SGCZ: variants seen among roughly 807,000 people sequenced by gnomAD.
SGCZ encodes sarcoglycan zeta.
In SGCZ, 40 loss-of-function variants were observed where a neutral mutation model predicts 41.3. The ratio of observed to expected loss-of-function variants is 0.97; its 90% CI spans 0.75 to 1.26. The LOEUF is 1.26. Ranked by LOEUF, SGCZ falls within the 50% of genes most tolerant of loss-of-function variation. The pLI is 0.00. For missense variants in SGCZ, 552 were observed against 369.8 expected, an observed-to-expected ratio of 1.49 and a Z score of -4.04; for synonymous variants, 206 against 137.5, an observed-to-expected ratio of 1.50 and a Z score of -3.49.
chr8:14,580,796 A>G (rs1269305653), intron 1 of SGCZ, among the ~76,000 whole-genome samples: 1 of 152,220 alleles, frequency 6.6e-6, no homozygotes, highest in African/African-American at 2.4e-5. Flanking sequence ...CACATGTGCC[A>G]TTCTGATTAA....
rs139920034 is a variant in SGCZ, at chr8:14,822,642, C to G, written c.40-267716G>C. Among the ~76,000 whole-genome samples the G allele has an allele frequency of 5.3e-5, 8 of 151,980 alleles. 1 individual carries two copies. Among genetic ancestry groups the G allele is most frequent in the African/African-American group, 1.9e-4 (8 of 41,470 alleles). On this transcript the variant is annotated intron_variant, in intron 1 of 7. Coordinates refer to ENST00000382080, the MANE Select transcript of SGCZ (RefSeq NM_139167.4). ...GTATAAAAACAGATATGTAAACCAA[C>G]AGAACAAAAGAGAGCCCAGAAACAA...
chr8:14,730,310 A>T (rs973807258), intron 1 of SGCZ, among the ~76,000 whole-genome samples: 2 of 152,170 alleles, frequency 1.3e-5, no homozygotes, highest in Non-Finnish European at 2.9e-5. Flanking sequence ...TAAACAGAAC[A>T]TTTATGGTGA....
intron 2 of SGCZ, among the ~76,000 whole-genome samples, chr8:14,423,567 C>A (rs1799694056): frequency 6.6e-6 from 1 of 152,128 alleles, no homozygotes; most frequent in South Asian, 2.1e-4. Flanking sequence ...CAGGCATACA[C>A]CACCATACCT....
At chr8:14,613,323 G>T (rs577156695) in intron 1 of SGCZ, among the ~76,000 whole-genome samples, 1 of 152,216 alleles carries the variant, frequency 6.6e-6, no homozygotes, top group Non-Finnish European at 1.5e-5. Flanking sequence ...TTGAACTGAA[G>T]GAAACTAGTA....
At chr8:14,872,252 G>C (rs1441359537) in intron 1 of SGCZ, among the ~76,000 whole-genome samples, 2 of 151,918 alleles carry the variant, frequency 1.3e-5, no homozygotes, top group Non-Finnish European at 2.9e-5. Flanking sequence ...AACCACCATG[G>C]CACATGTATA....
At chr8:14,333,514 C>T (rs936067439) in intron 2 of SGCZ, among the ~76,000 whole-genome samples, 1 of 151,648 alleles carries the variant, frequency 6.6e-6, no homozygotes, top group Non-Finnish European at 1.5e-5. Flanking sequence ...GAATTAATGA[C>T]CTGGTGAAAA....
intron 1 of SGCZ, among the ~76,000 whole-genome samples, chr8:14,597,289 C>T (rs1805442621): frequency 1.3e-5 from 2 of 151,992 alleles, no homozygotes; most frequent in African/African-American, 4.8e-5. Flanking sequence ...ATGTGAAGTC[C>T]TATATGGAGG....
chr8:14,406,096 G>T (rs531480792), intron 2 of SGCZ, among the ~76,000 whole-genome samples: 15 of 144,892 alleles, frequency 1.0e-4, no homozygotes, highest in Admixed American at 9.3e-4. Context: ...CCTACTGCTT[G>T]CTTAAGTAAA....
intron 2 of SGCZ, among the ~76,000 whole-genome samples, chr8:14,414,736 T>C (rs1185916518): frequency 6.6e-6 from 1 of 151,966 alleles, no homozygotes; most frequent in Admixed American, 6.6e-5. Flanking sequence ...AAGGCTCTTT[T>C]TGGAAATGGG....
intron 1 of SGCZ, among the ~76,000 whole-genome samples, chr8:14,709,815 G>A (rs1809455517): frequency 6.6e-6 from 1 of 152,130 alleles, no homozygotes; most frequent in Non-Finnish European, 1.5e-5. Flanking sequence ...ATTTATTGAT[G>A]CCTTACTATG....
intron 1 of SGCZ, among the ~76,000 whole-genome samples, chr8:15,146,729 T>G (rs1294573949): frequency 6.6e-6 from 1 of 152,198 alleles, no homozygotes. Flanking sequence ...TACTATTTTT[T>G]TAAATTATGT....
rs184620867 is a variant in SGCZ at position 14,589,855 on chromosome 8, C to G, written c.40-34929G>C. Reference sequence around the variant, plus strand: ...AAATTAAGGCCAAGAAGAAATCTTCCGTATTTTGCCCAACTAGATATGGCA... The same window carrying G: ...AAATTAAGGCCAAGAAGAAATCTTCGGTATTTTGCCCAACTAGATATGGCA... On this transcript the variant is annotated intron_variant, in intron 1 of 7. Transcript: ENST00000382080. Among the ~76,000 whole-genome samples the G allele has an allele frequency of 7.9e-3, 1,207 of 152,134 alleles. 9 individuals carry two copies. Among genetic ancestry groups the G allele is most frequent in the Middle Eastern group, 0.01 (3 of 294 alleles).
chr8:14,247,555 C>G (rs938698313), intron 3 of SGCZ, among the ~76,000 whole-genome samples: 2 of 152,232 alleles, frequency 1.3e-5, no homozygotes, highest in Non-Finnish European at 2.9e-5. Flanking sequence ...CTATCTCTAT[C>G]TAAAGTAACA....
intron 1 of SGCZ, among the ~76,000 whole-genome samples, chr8:15,022,983 C>T (rs1488361962): frequency 1.3e-5 from 2 of 152,126 alleles, no homozygotes; most frequent in African/African-American, 4.8e-5. Flanking sequence ...TTTGTCAGCC[C>T]TATACTAAAT....
At chr8:14,486,267 G>C (rs1332864198) in intron 2 of SGCZ, among the ~76,000 whole-genome samples, 1 of 152,042 alleles carries the variant, frequency 6.6e-6, no homozygotes, top group African/African-American at 2.4e-5. Context: ...TGTAGTTCCT[G>C]TGGAACCAGA....
intron 1 of SGCZ, among the ~76,000 whole-genome samples, chr8:15,057,040 T>G (rs1211578846): frequency 6.6e-6 from 1 of 152,204 alleles, no homozygotes; most frequent in Non-Finnish European, 1.5e-5. Context: ...ACAGCCATGA[T>G]GGATGTGTGG....
At chr8:14,804,329 G>C (rs1417486337) in intron 1 of SGCZ, among the ~76,000 whole-genome samples, 1 of 109,660 alleles carries the variant, frequency 9.1e-6, no homozygotes, top group Non-Finnish European at 1.9e-5. Flanking sequence ...TGAAAACTTT[G>C]AAAAAAATTT....
At chr8:14,189,617 C>G (rs12549999) in intron 4 of SGCZ, among the ~76,000 whole-genome samples, 1 of 152,220 alleles carries the variant, frequency 6.6e-6, no homozygotes, top group African/African-American at 2.4e-5. Context: ...GCTCAGAGAG[C>G]TCAGCCCTGA....
chr8:15,096,173 T>C (rs754418449), intron 1 of SGCZ, among the ~76,000 whole-genome samples: 22 of 151,788 alleles, frequency 1.4e-4, no homozygotes, highest in Admixed American at 2.6e-4. Flanking sequence ...TACCTCCAGG[T>C]TCAAGCAATT....
Sources: gnomAD v4.1 joint callset for allele counts (sites outside exome capture counted in the v4.1 genomes callset) on GRCh38, gnomAD v4.1.1 for gene constraint, MANE v1.5 for transcripts, NCBI Gene and HGNC (gene_info 2026-07-23, HGNC 2026-07-21) for gene names.